CPNE4: variants seen among roughly 807,000 people sequenced by gnomAD.
The protein encoded by CPNE4 is copine 4.
CPNE4 carries 25 observed loss-of-function variants against 67.9 expected under a neutral mutation model. The observed-to-expected ratio is 0.37, with a 90% CI of 0.27 to 0.51. The LOEUF (loss-of-function observed/expected upper bound fraction) is 0.51, where lower values mean the gene tolerates loss of function less well. Ranked by LOEUF, CPNE4 falls within the 20% of genes least tolerant of loss-of-function variation. The probability of loss-of-function intolerance (pLI) is 0.93; values close to 1 mark genes in which losing one functional copy is unlikely to be tolerated. For synonymous variants in CPNE4, 242 were observed against 244.9 expected (o/e 0.99, Z 0.11); for missense variants, 464 against 690.8 (o/e 0.67, Z 3.68).
intron 2 of CPNE4, among the ~76,000 whole-genome samples, chr3:131,891,534 A>C (rs1248921597): frequency 6.6e-6 from 1 of 151,966 alleles, no homozygotes; most frequent in East Asian, 1.9e-4. Context: ...TATTAAGCCT[A>C]GTACCCATTA....
intron 2 of CPNE4, among the ~76,000 whole-genome samples, chr3:131,817,344 G>A (rs544341358): frequency 6.6e-6 from 1 of 152,306 alleles, no homozygotes; most frequent in East Asian, 1.9e-4. Context: ...TGGGAGCAGG[G>A]AGAGTTCTAG....
intron 2 of CPNE4, among the ~76,000 whole-genome samples, chr3:131,748,462 A>G (rs2082546693): frequency 1.3e-5 from 2 of 151,978 alleles, no homozygotes. Flanking sequence ...TTATAAAATA[A>G]ATTTAGAAGT....
chr3:131,668,827 A>T (rs2080325456), intron 7 of CPNE4, among the ~76,000 whole-genome samples: 1 of 152,154 alleles, frequency 6.6e-6, no homozygotes, highest in Non-Finnish European at 1.5e-5. Flanking sequence ...GTGACTTTGA[A>T]TGCATATTTT....
chr3:131,871,331 G>T lies in CPNE4; in HGVS notation c.180+33933C>A, dbSNP rs190542242. Among the ~76,000 whole-genome samples, 269 of 152,132 alleles carry T rather than the reference G, an allele frequency of 1.8e-3. 2 individuals are homozygous for T. The highest frequency in any genetic ancestry group is 6.0e-3 in the African/African-American group (249 of 41,526). On this transcript the variant is annotated intron_variant, in intron 2 of 15. Coordinates refer to ENST00000429747, the MANE Select transcript of CPNE4 (RefSeq NM_130808.3). ...GGGATTTGCCCTGATAAGAAGAGTT[G>T]CTGGAAATTGAAATAAGATATTCTA...
intron 1 of CPNE4, among the ~76,000 whole-genome samples, chr3:132,015,556 G>A (rs1343834835): frequency 1.3e-5 from 2 of 152,078 alleles, no homozygotes; most frequent in Admixed American, 1.3e-4. Flanking sequence ...TATACGATAT[G>A]ATGTCAGAAT....
Position 131,777,295 on chromosome 3 carries a change from A to G in CPNE4, c.181-53670T>C, listed in dbSNP as rs1020975212. Among the ~76,000 whole-genome samples, 13 of 152,128 alleles carry G rather than the reference A, an allele frequency of 8.5e-5. 1 individual carries two copies. The highest frequency in any genetic ancestry group is 2.9e-4 in the African/African-American group (12 of 41,434). The stretch of plus-strand genomic sequence containing the variant: ...CCCTAAAGCAGGGCTATAACTGTAT[A>G]AATGCAGACAGAAAGGGATGTGAGA... On this transcript the variant is annotated intron_variant, in intron 2 of 15. Transcript: ENST00000429747.
intron 7 of CPNE4, chr3:131,620,507 A>G (rs1051330247): frequency 3.1e-6 from 3 of 980,534 alleles, no homozygotes; most frequent in Non-Finnish European, 3.6e-6. Context: ...GATGGTAGGC[A>G]GAATAATGGT....
At chr3:131,659,994 AAAATTTGCCATTTATTTTT>A (rs1378352340) in intron 7 of CPNE4, among the ~76,000 whole-genome samples, 2 of 152,222 alleles carry the variant, frequency 1.3e-5, no homozygotes, top group African/African-American at 4.8e-5. Flanking sequence ...TACATAACAT[AAAATTTGCCATTTATTTTT>A]AAATTTACAG....
chr3:131,949,798 T>C (rs2071666967), intron 1 of CPNE4, among the ~76,000 whole-genome samples: 2 of 152,186 alleles, frequency 1.3e-5, no homozygotes. Context: ...CCATAATGTT[T>C]AGTGCCTTTT....
At chr3:131,691,595 A>C (rs973169404) in intron 5 of CPNE4, among the ~76,000 whole-genome samples, 3 of 152,130 alleles carry the variant, frequency 2.0e-5, no homozygotes, top group Admixed American at 6.6e-5. Flanking sequence ...ATTGGGTCCT[A>C]TGCTTACTAC....
intron 6 of CPNE4, 69 bp downstream of exon 6, chr3:131,685,806 G>T (rs754942652): frequency 1.4e-4 from 150 of 1,068,038 alleles, no homozygotes; most frequent in Non-Finnish European, 2.0e-4. Flanking sequence ...ACAAAAAGGA[G>T]TTTCTCAAAA....
intron 11 of CPNE4, among the ~76,000 whole-genome samples, chr3:131,556,295 G>C: frequency 6.6e-6 from 1 of 152,062 alleles, no homozygotes. Flanking sequence ...AGAATTGCTT[G>C]AACCCTGGAG....
intron 7 of CPNE4, among the ~76,000 whole-genome samples, chr3:131,631,913 T>C (rs933106488): frequency 3.3e-5 from 5 of 150,600 alleles, no homozygotes; most frequent in African/African-American, 1.2e-4. Context: ...TCTTTTTTTT[T>C]GAGACAGAGT....
In CPNE4 at chr3:131,870,292, CTG is replaced by C. The variant is rs1318129184; in HGVS notation, c.180+34970_180+34971del. ...CTCAGCATCTAATTTTTGCCACACA[CTG>C]TGCTAAAATTTTAGAGTTAAAAGGA... On this transcript the variant is annotated intron_variant, in intron 2 of 15. Transcript: ENST00000429747. Among the ~76,000 whole-genome samples the C allele has an allele frequency of 6.6e-5, 10 of 152,160 alleles. 1 individual carries two copies. The highest frequency in any genetic ancestry group is 6.5e-4 in the Admixed American group (10 of 15,274).
At chr3:131,956,063 A>G (rs943734927) in intron 1 of CPNE4, among the ~76,000 whole-genome samples, 1 of 151,812 alleles carries the variant, frequency 6.6e-6, no homozygotes, top group Non-Finnish European at 1.5e-5. Flanking sequence ...TCACTTCTTC[A>G]TTCCTGAAAT....
chr3:131,687,053 C>G (rs562064947), intron 5 of CPNE4, among the ~76,000 whole-genome samples: 4 of 152,186 alleles, frequency 2.6e-5, no homozygotes, highest in Non-Finnish European at 5.9e-5. Context: ...AGTGGAAAAT[C>G]TGCACAGAAT....
chr3:131,905,227 C>T (rs772540039), intron 2 of CPNE4, 37 bp downstream of exon 2: 1 of 1,521,776 alleles, frequency 6.6e-7, no homozygotes, highest in East Asian at 2.3e-5. Flanking sequence ...GCCAATCATC[C>T]AGCCATGGTT....
intron 9 of CPNE4, among the ~76,000 whole-genome samples, chr3:131,577,911 T>C (rs1937589712): frequency 6.6e-6 from 1 of 152,142 alleles, no homozygotes; most frequent in Admixed American, 6.6e-5. Context: ...ACTGTATATA[T>C]ACATAAATAC....
At chr3:132,038,617 T>C (rs2074372616), upstream of CPNE4, among the ~76,000 whole-genome samples, 3 of 152,232 alleles carry the variant, frequency 2.0e-5, no homozygotes, top group South Asian at 6.2e-4. Flanking sequence ...GTTGTCCCTC[T>C]GAGCCTCAGT....
Sources: gnomAD v4.1 joint callset for allele counts (sites outside exome capture counted in the v4.1 genomes callset) on GRCh38, gnomAD v4.1.1 for gene constraint, MANE v1.5 for transcripts, NCBI Gene and HGNC (gene_info 2026-07-23, HGNC 2026-07-21) for gene names.